ITGBL1: variants seen among roughly 807,000 people sequenced by gnomAD.
ITGBL1 encodes the protein integrin beta-like protein 1.
ITGBL1 carries 51 observed loss-of-function variants against 68.5 expected under a neutral mutation model. The ratio of observed to expected loss-of-function variants is 0.74; its 90% CI spans 0.59 to 0.94. ITGBL1 has a LOEUF of 0.94. ITGBL1 is among the 40% of genes least tolerant of loss of function. ITGBL1 has a pLI of 0.00. For synonymous variants in ITGBL1, 209 were observed against 227.3 expected (o/e 0.92, Z 0.72); for missense variants, 649 against 647.4 (o/e 1.00, Z -0.03).
At chr13:101,648,448 T>C (rs895102330) in intron 7 of ITGBL1, among the ~76,000 whole-genome samples, 3 of 152,136 alleles carry the variant, frequency 2.0e-5, no homozygotes, top group Non-Finnish European at 2.9e-5. Context: ...AAATAAGAGA[T>C]AGACATTTAA....
chr13:101,596,295 G>T (rs994693230), intron 6 of ITGBL1, among the ~76,000 whole-genome samples: 1 of 152,164 alleles, frequency 6.6e-6, no homozygotes, highest in Non-Finnish European at 1.5e-5. Context: ...TAGGAGAAAT[G>T]GGGAGACTTT....
chr13:101,600,359 G>A (rs1168849455), intron 7 of ITGBL1, among the ~76,000 whole-genome samples: 4 of 152,138 alleles, frequency 2.6e-5, no homozygotes, highest in African/African-American at 4.8e-5. Flanking sequence ...GGGTTTTCTA[G>A]ATATACAATC....
chr13:101,599,522 C>T (rs1238016560), intron 7 of ITGBL1, among the ~76,000 whole-genome samples: 1 of 151,996 alleles, frequency 6.6e-6, no homozygotes, highest in Non-Finnish European at 1.5e-5. Context: ...ATGCCTATGT[C>T]CTGAATGGTA....
chr13:101,634,931 A>G (rs2032115547), intron 7 of ITGBL1, among the ~76,000 whole-genome samples: 1 of 148,462 alleles, frequency 6.7e-6, no homozygotes, highest in African/African-American at 2.6e-5. Flanking sequence ...TACTTTCAAT[A>G]TAAGCAAAAG....
At chr13:101,709,398 AG>A (rs1566801781) in intron 9 of ITGBL1, among the ~76,000 whole-genome samples, 23 of 144,840 alleles carry the variant, frequency 1.6e-4, no homozygotes, top group African/African-American at 2.5e-4. Context: ...AAAAAAAAAA[AG>A]AAAAGCAGGA....
intron 2 of ITGBL1, among the ~76,000 whole-genome samples, chr13:101,466,723 G>A (rs1041244556): frequency 1.1e-4 from 16 of 152,090 alleles, no homozygotes; most frequent in African/African-American, 3.6e-4. Flanking sequence ...AAAATATTTA[G>A]CACAAAAAAT....
intron 7 of ITGBL1, among the ~76,000 whole-genome samples, chr13:101,653,883 T>G (rs2032839256): frequency 1.5e-5 from 2 of 137,506 alleles, no homozygotes; most frequent in East Asian, 2.1e-4. Context: ...TTTTTTTTTT[T>G]GTATTTTTAG....
intron 2 of ITGBL1, among the ~76,000 whole-genome samples, chr13:101,471,535 T>A (rs1256794216): frequency 3.9e-5 from 1 of 25,462 alleles, no homozygotes; most frequent in Non-Finnish European, 6.6e-5. Flanking sequence ...TGTATGTATG[T>A]GTGTGTGTGT....
intron 7 of ITGBL1, among the ~76,000 whole-genome samples, chr13:101,601,228 T>A (rs2030355423): frequency 6.6e-6 from 1 of 152,176 alleles, no homozygotes; most frequent in African/African-American, 2.4e-5. Context: ...TGCGTAGAGG[T>A]GTTTATAGTA....
chr13:101,682,705 T>C (rs920142936), intron 7 of ITGBL1, among the ~76,000 whole-genome samples: 14 of 152,102 alleles, frequency 9.2e-5, no homozygotes, highest in African/African-American at 3.4e-4. Flanking sequence ...CACATAGTAA[T>C]GTTTTCTTAG....
At chr13:101,598,322 T>G (rs1296132847) in intron 7 of ITGBL1, 23 bp downstream of exon 7, 1 of 1,545,376 alleles carries the variant, frequency 6.5e-7, no homozygotes, top group Non-Finnish European at 8.7e-7. Flanking sequence ...TCTCAGGGCT[T>G]CCCACGGCCT....
At position 101,572,540 on chromosome 13, in the gene ITGBL1, C is replaced by T. The variant is rs967721842; in HGVS notation, c.464-2884C>T. Among the ~76,000 whole-genome samples the T allele has an allele frequency of 3.3e-5, 5 of 152,034 alleles. No individual in the cohort carries two copies. The South Asian group carries it at 6.2e-4, about 19-fold the overall frequency. On this transcript the variant is annotated intron_variant, in intron 3 of 10. Coordinates refer to ENST00000376180, the MANE Select transcript of ITGBL1 (RefSeq NM_004791.3). Reference sequence around the variant, plus strand: ...AATCATCAAGTGTAAGGCAGAAGACCAGTCCTAGAGGCTGAGTTAACTGGC... The same window carrying T: ...AATCATCAAGTGTAAGGCAGAAGACTAGTCCTAGAGGCTGAGTTAACTGGC...
intron 2 of ITGBL1, among the ~76,000 whole-genome samples, chr13:101,493,601 T>C (rs1311772005): frequency 6.6e-6 from 1 of 152,180 alleles, no homozygotes; most frequent in African/African-American, 2.4e-5. Context: ...ACTTGTGCCT[T>C]CATCACCTGT....
At chr13:101,547,620 A>G (rs903258345) in intron 2 of ITGBL1, among the ~76,000 whole-genome samples, 5 of 151,850 alleles carry the variant, frequency 3.3e-5, no homozygotes, top group African/African-American at 1.2e-4. Context: ...AATTACATAG[A>G]ACAAATAAGA....
chr13:101,578,887 G>T (rs374404251), intron 4 of ITGBL1, among the ~76,000 whole-genome samples: 6 of 152,126 alleles, frequency 3.9e-5, no homozygotes, highest in Admixed American at 3.3e-4. Context: ...ATGCACCATT[G>T]GTTTCTCAAT....
At chr13:101,532,124 AT>A (rs945630891) in intron 2 of ITGBL1, among the ~76,000 whole-genome samples, 4 of 152,010 alleles carry the variant, frequency 2.6e-5, no homozygotes, top group East Asian at 1.9e-4. Context: ...TAAAGAACGA[AT>A]TTTTTTCAAG....
intron 7 of ITGBL1, among the ~76,000 whole-genome samples, chr13:101,608,187 A>G (rs1566755928): frequency 1.3e-5 from 2 of 152,078 alleles, no homozygotes; most frequent in Admixed American, 6.6e-5. Context: ...TAATTAATGA[A>G]TTAAGAATTG....
At chr13:101,699,168 C>A (rs1230227374) in intron 8 of ITGBL1, among the ~76,000 whole-genome samples, 2 of 152,220 alleles carry the variant, frequency 1.3e-5, no homozygotes, top group Non-Finnish European at 2.9e-5. Context: ...CAAATTACAT[C>A]TTAAAATTGC....
intron 2 of ITGBL1, among the ~76,000 whole-genome samples, chr13:101,558,281 A>C (rs1046452273): frequency 6.6e-6 from 1 of 152,060 alleles, no homozygotes; most frequent in African/African-American, 2.4e-5. Flanking sequence ...ACAGGGACAT[A>C]AAGATAGACA....
Sources: gnomAD v4.1 joint callset for allele counts (sites outside exome capture counted in the v4.1 genomes callset) on GRCh38, gnomAD v4.1.1 for gene constraint, MANE v1.5 for transcripts, NCBI Gene and HGNC (gene_info 2026-07-23, HGNC 2026-07-21) for gene names.